The following ARMH4 variants were observed in gnomAD, a reference collection of about 807,000 sequenced individuals.
ARMH4 encodes armadillo-like helical domain-containing protein 4.
ARMH4 carries 49 observed loss-of-function variants against 61.9 expected under a neutral mutation model. The observed-to-expected ratio is 0.79, with a 90% CI of 0.63 to 1.00. ARMH4 has a LOEUF of 1.00. Ranked by LOEUF, ARMH4 falls within the 50% of genes least tolerant of loss-of-function variation. The pLI is 0.00. For synonymous variants in ARMH4, 368 were observed against 341.5 expected (o/e 1.08, Z -0.85); for missense variants, 934 against 930.0 (o/e 1.00, Z -0.06).
intron 5 of ARMH4, among the ~76,000 whole-genome samples, chr14:58,058,993 AAG>A (rs748994527): frequency 1.3e-5 from 2 of 152,236 alleles, no homozygotes; most frequent in Non-Finnish European, 2.9e-5. Context: ...ACAGAATAGA[AAG>A]AGAGATGTTG....
chr14:58,069,491 C>T (rs1884815345), intron 5 of ARMH4, among the ~76,000 whole-genome samples: 1 of 152,114 alleles, frequency 6.6e-6, no homozygotes. Flanking sequence ...AATAAGATGA[C>T]AGTTTCATCT....
intron 5 of ARMH4, among the ~76,000 whole-genome samples, chr14:58,039,317 C>T (rs1005548142): frequency 3.9e-5 from 6 of 152,264 alleles, no homozygotes; most frequent in African/African-American, 1.2e-4. Context: ...AAATCTCTGC[C>T]ACAAGTAATC....
intron 4 of ARMH4, among the ~76,000 whole-genome samples, chr14:58,107,379 T>C (rs901598757): frequency 6.6e-6 from 1 of 152,230 alleles, no homozygotes; most frequent in Non-Finnish European, 1.5e-5. Context: ...TGAATCATCA[T>C]CTTTTGCCTA....
At chr14:58,045,049 T>C (rs1883882194) in intron 5 of ARMH4, among the ~76,000 whole-genome samples, 1 of 152,186 alleles carries the variant, frequency 6.6e-6, no homozygotes, top group Non-Finnish European at 1.5e-5. Context: ...TGGAAGACAG[T>C]ATGGCGATTC....
chr14:58,126,296 CTGAA>C (rs1193670389), intron 4 of ARMH4, among the ~76,000 whole-genome samples: 3 of 152,206 alleles, frequency 2.0e-5, no homozygotes, highest in African/African-American at 7.2e-5. Context: ...ATTCAGTCAC[CTGAA>C]TGAAGGCACA....
At chr14:58,047,919 G>C (rs1441259961) in intron 5 of ARMH4, among the ~76,000 whole-genome samples, 1 of 152,186 alleles carries the variant, frequency 6.6e-6, no homozygotes, top group East Asian at 1.9e-4. Flanking sequence ...GATCTGGGTA[G>C]ATGGCAGAGA....
At chr14:58,131,939 A>G (rs1887124022) in intron 3 of ARMH4, among the ~76,000 whole-genome samples, 1 of 152,266 alleles carries the variant, frequency 6.6e-6, no homozygotes, top group Non-Finnish European at 1.5e-5. Flanking sequence ...AAAATGTATT[A>G]TCTCTAATCA....
chr14:58,016,827 T>G (rs182335490), intron 5 of ARMH4, among the ~76,000 whole-genome samples: 4 of 152,288 alleles, frequency 2.6e-5, no homozygotes, highest in Non-Finnish European at 5.9e-5. Context: ...GAAAAGAAAG[T>G]AGGCATGAAT....
intron 4 of ARMH4, among the ~76,000 whole-genome samples, chr14:58,114,320 C>T (rs546247593): frequency 5.3e-4 from 80 of 152,230 alleles, no homozygotes; most frequent in South Asian, 3.7e-3. Flanking sequence ...AGTGTAGACA[C>T]CTAGCACAAC....
At chr14:58,056,083 C>T (rs956851999) in intron 5 of ARMH4, among the ~76,000 whole-genome samples, 7 of 152,240 alleles carry the variant, frequency 4.6e-5, no homozygotes, top group South Asian at 2.1e-4. Flanking sequence ...CTGGAGGAGA[C>T]GGAAACTTTT....
Position 58,003,524 on chromosome 14 carries a change from C to G in ARMH4, c.*1212G>C, listed in dbSNP as rs371511111. On this transcript the variant is annotated 3_prime_UTR_variant, in exon 8 of 8. Coordinates refer to ENST00000267485, the MANE Select transcript of ARMH4 (RefSeq NM_001001872.4). ...TATTCTTCCATGGCAATGAGCCAAG[C>G]CTTTACCCCAAAACTCAACTACAAA... The G allele has an allele frequency of 5.3e-5, 8 of 152,218 alleles. No homozygotes were observed. Among genetic ancestry groups the G allele is most frequent in the African/African-American group, 1.9e-4 (8 of 41,444 alleles). The allele number at this position is 152,218 out of a possible 1,614,324, so 9.4% of individuals were successfully genotyped here. A position where few individuals can be genotyped will look rare whatever the true frequency, so the allele number is the denominator to read the frequency against.
chr14:58,064,281 C>G (rs546848966), intron 5 of ARMH4, among the ~76,000 whole-genome samples: 1 of 152,208 alleles, frequency 6.6e-6, no homozygotes, highest in African/African-American at 2.4e-5. Flanking sequence ...TTAGAAACAC[C>G]TATAAAGAAT....
chr14:58,073,575 G>T (rs1469413061), intron 5 of ARMH4, among the ~76,000 whole-genome samples: 1 of 152,136 alleles, frequency 6.6e-6, no homozygotes, highest in East Asian at 1.9e-4. Context: ...AATCAGAAAG[G>T]ATGGGTTTAT....
intron 4 of ARMH4, among the ~76,000 whole-genome samples, chr14:58,106,961 T>C (rs1258360771): frequency 6.6e-6 from 1 of 152,164 alleles, no homozygotes; most frequent in South Asian, 2.1e-4. Context: ...CTTCATTTTG[T>C]TCAGGACCAG....
chr14:58,149,942 C>T (rs577471650), intron 1 of ARMH4, among the ~76,000 whole-genome samples: 14 of 152,222 alleles, frequency 9.2e-5, no homozygotes, highest in Admixed American at 2.0e-4. Flanking sequence ...ACATCAGCCA[C>T]AAATGGAGTA....
chr14:58,062,717 C>A (rs1884571662), intron 5 of ARMH4, among the ~76,000 whole-genome samples: 1 of 152,174 alleles, frequency 6.6e-6, no homozygotes, highest in South Asian at 2.1e-4. Flanking sequence ...TAAACTAAGT[C>A]TCAGAGAGGT....
intron 5 of ARMH4, among the ~76,000 whole-genome samples, chr14:58,066,411 G>T (rs1361890091): frequency 6.6e-6 from 1 of 152,184 alleles, no homozygotes; most frequent in African/African-American, 2.4e-5. Flanking sequence ...CTGGGGCAGA[G>T]GAGAATGGGG....
At chr14:58,019,565 T>C (rs913091790) in intron 5 of ARMH4, among the ~76,000 whole-genome samples, 25 of 152,020 alleles carry the variant, frequency 1.6e-4, no homozygotes, top group African/African-American at 6.0e-4. Flanking sequence ...AGATCGAAGA[T>C]GCAGCTGCAG....
chr14:58,131,045 A>G (rs1594774982), intron 4 of ARMH4, among the ~76,000 whole-genome samples: 2 of 152,234 alleles, frequency 1.3e-5, no homozygotes, highest in African/African-American at 4.8e-5. Context: ...GGTCAACTAT[A>G]GTTGAGAACC....
Sources: gnomAD v4.1 joint callset for allele counts (sites outside exome capture counted in the v4.1 genomes callset) on GRCh38, gnomAD v4.1.1 for gene constraint, MANE v1.5 for transcripts, NCBI Gene and HGNC (gene_info 2026-07-23, HGNC 2026-07-21) for gene names.